Variants in TRAPPC11 observed in about 807,000 individuals in gnomAD.
The protein encoded by TRAPPC11 is foie gras homolog.
Under a neutral mutation model 151.2 loss-of-function variants are expected in TRAPPC11, and 104 were observed. The ratio of observed to expected loss-of-function variants is 0.69; its 90% CI spans 0.59 to 0.81. The LOEUF is 0.81. Ranked by LOEUF, TRAPPC11 falls within the 30% of genes least tolerant of loss-of-function variation. TRAPPC11 has a pLI of 0.00. For missense variants in TRAPPC11, 1,230 were observed against 1,349.6 expected, an observed-to-expected ratio of 0.91 and a Z score of 1.39; for synonymous variants, 456 against 472.3, an observed-to-expected ratio of 0.97 and a Z score of 0.45.
At chr4:183,669,412 T>C (rs1038520038) in intron 5 of TRAPPC11, among the ~76,000 whole-genome samples, 3 of 152,188 alleles carry the variant, frequency 2.0e-5, no homozygotes, top group Non-Finnish European at 4.4e-5. Context: ...CAGCTCACCA[T>C]TGACTCTGCA....
rs550962296 is a variant in TRAPPC11 at position 183,696,044 on chromosome 4, T to C, written c.2628+1321T>C. Reference sequence around the variant, plus strand: ...AAATCCAAAACGTTCCAAAATCTTTTGGAAACTTTTTGAGTGCCAGCATGA... The same window carrying C: ...AAATCCAAAACGTTCCAAAATCTTTCGGAAACTTTTTGAGTGCCAGCATGA... On this transcript the variant is annotated intron_variant, in intron 23 of 29. Coordinates refer to ENST00000334690, the MANE Select transcript of TRAPPC11 (RefSeq NM_021942.6). Among the ~76,000 whole-genome samples the C allele has an allele frequency of 2.1e-3, 326 of 152,322 alleles. 3 individuals are homozygous for C. The highest frequency in any genetic ancestry group is 7.5e-3 in the African/African-American group (311 of 41,568).
At chr4:183,690,956 G>C (rs548341958) in intron 18 of TRAPPC11, among the ~76,000 whole-genome samples, 1 of 152,208 alleles carries the variant, frequency 6.6e-6, no homozygotes, top group East Asian at 1.9e-4. Context: ...AAAACAGGAA[G>C]TAACCAAGCA....
At chr4:183,683,819 A>G in intron 11 of TRAPPC11, 156 bp from the exon 12 acceptor site, 1 of 642,556 alleles carries the variant, frequency 1.6e-6, no homozygotes, top group Non-Finnish European at 2.7e-6. Flanking sequence ...CCATGTTAAT[A>G]AAGCTGCCTC....
chr4:183,691,467 T>C lies in TRAPPC11; in HGVS notation c.2045T>C (p.Ile682Thr). The part of the protein sequence containing the change: ...VAKTEDVGKK[I>T]EITSVDLALG... ...AAAACTGAAGATGTGGGAAAGAAAA[T>C]TGAGGTTAGTTATGAAATTTGTTTT... Residue 682 changes from isoleucine (I) to threonine (T), a missense_variant, in exon 19 of 30, where the codon ATT becomes ACT. Physicochemically the swap from Ile to Thr is moderately conservative, Grantham distance 89. Transcript: ENST00000334690. 2.0e-6 allele frequency: 3 copies of C among 1,486,474 alleles called. No individual in the cohort carries two copies. Among genetic ancestry groups the C allele is most frequent in the Non-Finnish European group, 2.7e-6 (3 of 1,101,398 alleles). The allele number at this position is 1,486,474 out of a possible 1,614,324, so 92.1% of individuals were successfully genotyped here.
At chr4:183,688,576 T>C (rs1351115255) in intron 18 of TRAPPC11, among the ~76,000 whole-genome samples, 1 of 152,220 alleles carries the variant, frequency 6.6e-6, no homozygotes, top group Non-Finnish European at 1.5e-5. Context: ...GTTATCTGTT[T>C]TATTAGGATT....
At chr4:183,673,173 A>T (rs893988163) in intron 5 of TRAPPC11, among the ~76,000 whole-genome samples, 2 of 151,986 alleles carry the variant, frequency 1.3e-5, no homozygotes, top group Non-Finnish European at 2.9e-5. Flanking sequence ...CGTGTTAGCC[A>T]GGCTGGTCTT....
At chr4:183,703,075 T>TAAC (rs1736881374) in intron 26 of TRAPPC11, among the ~76,000 whole-genome samples, 1 of 152,210 alleles carries the variant, frequency 6.6e-6, no homozygotes, top group East Asian at 1.9e-4. Flanking sequence ...TGACTTATTG[T>TAAC]TTTCATGTTA....
intron 5 of TRAPPC11, among the ~76,000 whole-genome samples, chr4:183,671,106 TC>T: frequency 6.6e-6 from 1 of 152,300 alleles, no homozygotes; most frequent in African/African-American, 2.4e-5. Flanking sequence ...CCTTAGGTGA[TC>T]CGCCCACCTC....
rs769339239 is a variant in TRAPPC11, at chr4:183,692,944, T to TG, written c.2050-16_2050-15insG. ...ATATGAGATGACATTTCCAACATCC[T>TG]TTTTTTTCTTTTTAGATTACTTCAG... On this transcript the variant is annotated splice_polypyrimidine_tract_variant and intron_variant, in intron 19 of 29. Transcript: ENST00000334690. 26 of 1,573,234 alleles carry TG rather than the reference T, an allele frequency of 1.7e-5. No individual in the cohort carries two copies. The Admixed American group carries it at 4.4e-4, about 27-fold the overall frequency.
At chr4:183,670,053 C>T (rs375144885) in intron 5 of TRAPPC11, among the ~76,000 whole-genome samples, 2 of 152,336 alleles carry the variant, frequency 1.3e-5, no homozygotes, top group South Asian at 2.1e-4. Context: ...TAGACCCTTT[C>T]TTCAGATTTA....
At chr4:183,670,165 T>G (rs60866831) in intron 5 of TRAPPC11, among the ~76,000 whole-genome samples, 3,410 of 152,306 alleles carry the variant, frequency 0.022, 131 homozygotes, top group African/African-American at 0.078. Flanking sequence ...GCACACTTAC[T>G]CCTGTGCTTT....
intron 22 of TRAPPC11, among the ~76,000 whole-genome samples, chr4:183,694,333 G>A (rs1414894815): frequency 6.6e-6 from 1 of 152,046 alleles, no homozygotes; most frequent in Non-Finnish European, 1.5e-5. Context: ...TTCCAAACTA[G>A]ATAGAAAAAT....
chr4:183,668,700 A>G (rs989976087), intron 5 of TRAPPC11, among the ~76,000 whole-genome samples: 1 of 152,170 alleles, frequency 6.6e-6, no homozygotes, highest in African/African-American at 2.4e-5. Context: ...AAATATTTTT[A>G]TAAAGCCTTT....
At chr4:183,672,931 G>A (rs1386874250) in intron 5 of TRAPPC11, among the ~76,000 whole-genome samples, 2 of 150,704 alleles carry the variant, frequency 1.3e-5, no homozygotes, top group South Asian at 2.1e-4. Flanking sequence ...AGATATTCTA[G>A]TCAGTGCCTT....
chr4:183,708,550 T>C lies in TRAPPC11; in HGVS notation c.3333T>C (p.Phe1111=). The change falls in exon 29 of 30, where the codon TTT becomes TTC. Residue 1111 remains phenylalanine, a synonymous_variant. Transcript: ENST00000334690. ...PNFTNQLLRR[F]IPTSIFVKPQ... ...TCACAAATCAGCTGCTCAGGCGTTTTATACCTACCAGTATTTTTGTCAAGG... is the reference window on the plus strand; with the variant it reads ...TCACAAATCAGCTGCTCAGGCGTTTCATACCTACCAGTATTTTTGTCAAGG... 1.2e-6 allele frequency: 2 copies of C among 1,614,012 alleles called. No individual in the cohort carries two copies. The highest frequency in any genetic ancestry group is 1.7e-6 in the Non-Finnish European group (2 of 1,179,968).
At chr4:183,666,017 G>A (rs1734863980) in intron 2 of TRAPPC11, among the ~76,000 whole-genome samples, 1 of 151,650 alleles carries the variant, frequency 6.6e-6, no homozygotes, top group South Asian at 2.1e-4. Context: ...TCAGTTATGG[G>A]GCTGATAGAA....
intron 3 of TRAPPC11, chr4:183,666,838 TA>T: frequency 2.1e-6 from 1 of 478,728 alleles, no homozygotes; most frequent in Non-Finnish European, 3.8e-6. Context: ...CTTTTGCTTT[TA>T]AGGAAGATTT....
rs1734458934 is a variant in TRAPPC11, at chr4:183,660,864, T to TGC, written c.-22+1417_-22+1418insGC. ...GAGTAGCTGGGACTATAGGCACGCA[T>TGC]CACCATGCCCGGCTAATTTTTGTAT... On this transcript the variant is annotated intron_variant, in intron 1 of 29. Transcript: ENST00000334690. Among the ~76,000 whole-genome samples, 4 of 151,520 alleles carry TGC rather than the reference T, an allele frequency of 2.6e-5. No homozygotes were observed. The East Asian group carries it at 5.8e-4, about 22-fold the overall frequency.
chr4:183,668,427 ATGATACACAG>A (rs1217997087), intron 5 of TRAPPC11, among the ~76,000 whole-genome samples: 1 of 152,244 alleles, frequency 6.6e-6, no homozygotes. Flanking sequence ...ATGTGCTCAT[ATGATACACAG>A]TGATCTTCCA....
Sources: gnomAD v4.1 joint callset for allele counts (sites outside exome capture counted in the v4.1 genomes callset) on GRCh38, gnomAD v4.1.1 for gene constraint, MANE v1.5 for transcripts, NCBI Gene and HGNC (gene_info 2026-07-23, HGNC 2026-07-21) for gene names.